The following TDRD1 variants were observed in gnomAD, a reference collection of about 807,000 sequenced individuals.
The protein encoded by TDRD1 is tudor domain-containing protein 1.
TDRD1 carries 37 observed loss-of-function variants against 140.6 expected under a neutral mutation model. The observed-to-expected ratio is 0.26, with a 90% CI of 0.20 to 0.35. The LOEUF (loss-of-function observed/expected upper bound fraction) is 0.35. Among genes scored for constraint, TDRD1 ranks in the 10% least tolerant of loss-of-function variants. TDRD1 has a pLI of 1.00. For synonymous variants in TDRD1, 506 were observed against 475.7 expected (o/e 1.06, Z -0.83); for missense variants, 1,243 against 1,393.0 (o/e 0.89, Z 1.71).
chr10:114,213,588 G>T, exon 15 of TDRD1: 1 of 1,613,058 alleles, frequency 6.2e-7, no homozygotes, highest in South Asian at 1.1e-5. Flanking sequence ...AGAAACCAGT[G>T]GTAAGTCAAA....
intron 12 of TDRD1, 52 bp from the exon 13 acceptor site, chr10:114,210,808 T>TATAC: frequency 1.2e-6 from 2 of 1,612,634 alleles, no homozygotes; most frequent in Non-Finnish European, 1.7e-6. Context: ...ACTTGACATG[T>TATAC]AGAAATAATG....
chr10:114,201,081 C>T (rs1346636807), intron 4 of TDRD1, among the ~76,000 whole-genome samples: 1 of 151,734 alleles, frequency 6.6e-6, no homozygotes, highest in African/African-American at 2.4e-5. Flanking sequence ...GTCTCGAACT[C>T]CTGACCTCAG....
At chr10:114,192,134 T>C (rs1370241149) in intron 3 of TDRD1, among the ~76,000 whole-genome samples, 1 of 151,868 alleles carries the variant, frequency 6.6e-6, no homozygotes. Flanking sequence ...GATTTGCCAA[T>C]ATTTTTTCCT....
At chr10:114,188,215 G>C (rs2033686640) in intron 2 of TDRD1, 59 bp downstream of exon 2, 1 of 1,457,890 alleles carries the variant, frequency 6.9e-7, no homozygotes, top group Non-Finnish European at 9.3e-7. Flanking sequence ...TGACTTACCA[G>C]AAGTATATAT....
chr10:114,215,229 G>C (rs1046125073), intron 16 of TDRD1, among the ~76,000 whole-genome samples: 45 of 152,210 alleles, frequency 3.0e-4, no homozygotes, highest in African/African-American at 9.6e-4. Flanking sequence ...GTGTTCCATT[G>C]TATGTTACAT....
chr10:114,228,189 A>T, intron 25 of TDRD1: 1 of 1,503,360 alleles, frequency 6.7e-7, no homozygotes, highest in Non-Finnish European at 8.9e-7. Flanking sequence ...ATCTTCAGGC[A>T]TATTGGCAGG....
chr10:114,222,131 A>G (rs1397897973), intron 20 of TDRD1, among the ~76,000 whole-genome samples: 1 of 152,208 alleles, frequency 6.6e-6, no homozygotes, highest in Non-Finnish European at 1.5e-5. Flanking sequence ...ATTTATCTCT[A>G]ATACTACAAA....
chr10:114,227,626 G>A (rs2036512613), intron 23 of TDRD1, among the ~76,000 whole-genome samples: 1 of 152,146 alleles, frequency 6.6e-6, no homozygotes, highest in Admixed American at 6.5e-5. Context: ...TCATATTTTT[G>A]AGATTCCATC....
At chr10:114,184,136 A>G (rs973163417) in intron 1 of TDRD1, among the ~76,000 whole-genome samples, 1 of 151,942 alleles carries the variant, frequency 6.6e-6, no homozygotes, top group Admixed American at 6.6e-5. Context: ...AATTGCACCC[A>G]CTAGGCAGAA....
At chr10:114,189,224 G>A (rs1304461525) in intron 2 of TDRD1, among the ~76,000 whole-genome samples, 1 of 152,204 alleles carries the variant, frequency 6.6e-6, no homozygotes, top group Non-Finnish European at 1.5e-5. Context: ...GTTAAATCTT[G>A]ATCATTGTGT....
chr10:114,226,182 G>T, exon 22 of TDRD1: 8 of 1,613,548 alleles, frequency 5.0e-6, no homozygotes, highest in Non-Finnish European at 6.8e-6. Flanking sequence ...GCCACCTGGC[G>T]CTTCCTTTCC....
chr10:114,199,146 A>G, intron 3 of TDRD1, 27 bp from the exon 4 acceptor site: 7 of 1,596,504 alleles, frequency 4.4e-6, no homozygotes, highest in Non-Finnish European at 6.0e-6. Context: ...GCCAAATTCT[A>G]ACATTGCTCT....
At chr10:114,197,155 A>AT (rs1323950739) in intron 3 of TDRD1, among the ~76,000 whole-genome samples, 2 of 151,798 alleles carry the variant, frequency 1.3e-5, no homozygotes, top group African/African-American at 4.8e-5. Context: ...CTCAGCAGTC[A>AT]TTTTTTGAGT....
intron 3 of TDRD1, among the ~76,000 whole-genome samples, chr10:114,195,589 G>A (rs1300589035): frequency 1.3e-5 from 2 of 151,958 alleles, no homozygotes; most frequent in South Asian, 4.2e-4. Context: ...CCTGTAATCT[G>A]TTTTATCTGA....
At chr10:114,228,658 A>G (rs17578010) in intron 25 of TDRD1, 70,469 of 985,380 alleles carry the variant, frequency 0.072, 2,636 homozygotes, top group Non-Finnish European at 0.077. Flanking sequence ...TGGTGATTCT[A>G]GTGTCTAAAG....
rs140706079 is a variant in TDRD1 at position 114,204,910 on chromosome 10, TA to T, written c.1297+20del. On this transcript the variant is annotated intron_variant, in intron 10 of 25. Coordinates refer to ENST00000251864, the Ensembl canonical transcript of TDRD1. ...CAAATTCAGGTAAGATCTGTCTTTT[TA>T]AATTGAGTACTTAATAGGATATGTA... The T allele has an allele frequency of 1.9e-3, 3,008 of 1,561,768 alleles. 47 individuals carry two copies. The African/African-American group carries it at 0.038, about 20-fold the overall frequency.
chr10:114,223,509 A>G (rs1157386377), intron 21 of TDRD1, among the ~76,000 whole-genome samples: 1 of 152,156 alleles, frequency 6.6e-6, no homozygotes, highest in African/African-American at 2.4e-5. Flanking sequence ...TGGGCACCAA[A>G]TTGTTTTTGT....
chr10:114,221,596 A>G, intron 20 of TDRD1, 120 bp downstream of exon 20: 1 of 956,300 alleles, frequency 1.0e-6, no homozygotes, highest in Admixed American at 2.5e-5. Flanking sequence ...TTAAGGAAGA[A>G]CTGATCATAA....
chr10:114,213,787 T>G (rs749221049), intron 15 of TDRD1, among the ~76,000 whole-genome samples, 190 bp from the exon 16 acceptor site: 1 of 152,176 alleles, frequency 6.6e-6, no homozygotes, highest in African/African-American at 2.4e-5. Flanking sequence ...CAGCTGATGA[T>G]CAGAAATGTA....
Sources: gnomAD v4.1 joint callset for allele counts (sites outside exome capture counted in the v4.1 genomes callset) on GRCh38, gnomAD v4.1.1 for gene constraint, MANE v1.5 for transcripts, NCBI Gene and HGNC (gene_info 2026-07-23, HGNC 2026-07-21) for gene names.